The following EYA1 variants were observed in gnomAD, a reference collection of about 807,000 sequenced individuals.
The protein encoded by EYA1 is protein phosphatase EYA1.
Under a neutral mutation model 82.0 loss-of-function variants are expected in EYA1, and 16 were observed. That is an observed-to-expected ratio of 0.20 (90% CI 0.13 to 0.30). EYA1 has a LOEUF of 0.30. Ranked by LOEUF, EYA1 falls within the 10% of genes least tolerant of loss-of-function variation. The probability of loss-of-function intolerance (pLI) is 1.00; values close to 1 mark genes in which losing one functional copy is unlikely to be tolerated. For synonymous variants in EYA1, 261 were observed against 264.4 expected (o/e 0.99, Z 0.12); for missense variants, 633 against 730.7 (o/e 0.87, Z 1.54).
chr8:71,475,697 C>G (rs1397589348), intron 2 of EYA1, among the ~76,000 whole-genome samples: 1 of 152,110 alleles, frequency 6.6e-6, no homozygotes, highest in African/African-American at 2.4e-5. Context: ...CCATTAGATT[C>G]CTCTTTTCCA....
At chr8:71,356,778 GC>G (rs1326666307) in intron 1 of EYA1, 1 of 1,139,634 alleles carries the variant, frequency 8.8e-7, no homozygotes, top group African/African-American at 1.6e-5. Context: ...GCCTATGACA[GC>G]TGCAAATGGG....
Position 71,495,276 on chromosome 8 carries a change from T to G in EYA1, c.33+40468A>C, listed in dbSNP as rs1811328827. 2.6e-5 allele frequency among the ~76,000 whole-genome samples: 4 copies of G among 152,198 alleles called. No individual in the cohort carries two copies. The South Asian group carries it at 8.3e-4, about 32-fold the overall frequency. The stretch of plus-strand genomic sequence containing the variant: ...ACGATAAAAATAACAGCAAATGAAC[T>G]GTGGTAATAGTTCTAATTTGATGTG... On this transcript the variant is annotated intron_variant, in intron 2 of 18. Transcript: ENST00000643681.
chr8:71,205,633 T>C (rs1807669777), intron 17 of EYA1, among the ~76,000 whole-genome samples: 2 of 152,186 alleles, frequency 1.3e-5, no homozygotes, highest in Admixed American at 6.5e-5. Flanking sequence ...ATGCAAATTA[T>C]AGAGTTAAAT....
intron 2 of EYA1, among the ~76,000 whole-genome samples, chr8:71,445,419 T>A (rs536336915): frequency 6.6e-6 from 1 of 152,204 alleles, no homozygotes; most frequent in African/African-American, 2.4e-5. Context: ...AACTATCGGT[T>A]AAGTAAAATG....
intron 2 of EYA1, among the ~76,000 whole-genome samples, chr8:71,382,348 A>T (rs1265705543): frequency 6.6e-6 from 1 of 152,154 alleles, no homozygotes; most frequent in Admixed American, 6.5e-5. Flanking sequence ...CCAATTTGTG[A>T]CACAGAAAAT....
chr8:71,444,709 T>C (rs1418932167), intron 2 of EYA1, among the ~76,000 whole-genome samples: 3 of 152,172 alleles, frequency 2.0e-5, no homozygotes, highest in Non-Finnish European at 1.5e-5. Flanking sequence ...ACTGAGGGGT[T>C]AGAATTAGCC....
At chr8:71,220,903 A>C (rs1484226729) in intron 12 of EYA1, among the ~76,000 whole-genome samples, 1 of 152,224 alleles carries the variant, frequency 6.6e-6, no homozygotes. Context: ...GATCCCAGCA[A>C]GGAGCAGGCT....
chr8:71,260,771 G>C (rs926622132), intron 11 of EYA1, among the ~76,000 whole-genome samples: 8 of 152,190 alleles, frequency 5.3e-5, no homozygotes, highest in Non-Finnish European at 1.2e-4. Flanking sequence ...GCCCAGTGAG[G>C]TGTGTTGCTA....
chr8:71,351,384 A>C (rs1262092865), intron 3 of EYA1, among the ~76,000 whole-genome samples: 1 of 152,228 alleles, frequency 6.6e-6, no homozygotes, highest in Admixed American at 6.5e-5. Flanking sequence ...TTGCAAGTCA[A>C]GCATTCATTT....
At chr8:71,431,381 C>T (rs1805605574) in intron 2 of EYA1, among the ~76,000 whole-genome samples, 1 of 152,230 alleles carries the variant, frequency 6.6e-6, no homozygotes, top group South Asian at 2.1e-4. Flanking sequence ...CCTTTTGCCA[C>T]CGCTCCAGTC....
chr8:71,294,475 A>AAAC (rs1819382219), intron 9 of EYA1, among the ~76,000 whole-genome samples: 2 of 124,360 alleles, frequency 1.6e-5, no homozygotes, highest in Admixed American at 1.7e-4. Context: ...AACAAACAAA[A>AAAC]AAAACACACC....
chr8:71,225,075 G>A (rs1295146065), intron 12 of EYA1: 1 of 291,156 alleles, frequency 3.4e-6, no homozygotes, highest in African/African-American at 2.2e-5. Context: ...AAATTTGCAG[G>A]AACCATGTTT....
In EYA1 at chr8:71,212,800, G is replaced by A. The variant is rs931369631; in HGVS notation, c.1598-1544C>T. Among the ~76,000 whole-genome samples the A allele has an allele frequency of 3.9e-5, 6 of 152,238 alleles. No individual in the cohort carries two copies. In the South Asian group the frequency reaches 1.2e-3, roughly 32 times the overall value. ...TTTGCCTACAATAAAAATTACTGGG[G>A]CCAGGCATAGTGGTTCACACCTGTA... On this transcript the variant is annotated intron_variant, in intron 16 of 17. Transcript: ENST00000340726.
chr8:71,345,983 TACAC>T (rs1825648884), intron 3 of EYA1, among the ~76,000 whole-genome samples: 1 of 151,842 alleles, frequency 6.6e-6, no homozygotes, highest in Non-Finnish European at 1.5e-5. Flanking sequence ...ATCTTACACA[TACAC>T]ACAAACACAC....
At chr8:71,341,500 C>T (rs1825122473) in intron 3 of EYA1, among the ~76,000 whole-genome samples, 4 of 152,166 alleles carry the variant, frequency 2.6e-5, no homozygotes, top group African/African-American at 7.2e-5. Context: ...AAAAAAGCAA[C>T]ATTGCTAAAT....
At chr8:71,214,524 C>T (rs529378285) in intron 16 of EYA1, among the ~76,000 whole-genome samples, 1 of 152,168 alleles carries the variant, frequency 6.6e-6, no homozygotes, top group Non-Finnish European at 1.5e-5. Context: ...GTCATGTGCA[C>T]ATTCAAGCAC....
chr8:71,418,022 G>A (rs1207473770), intron 2 of EYA1, among the ~76,000 whole-genome samples: 5 of 152,024 alleles, frequency 3.3e-5, no homozygotes, highest in African/African-American at 4.8e-5. Context: ...GCTGCCTTAG[G>A]GCATACCCTC....
At chr8:71,232,944 C>G (rs142906351) in intron 12 of EYA1, among the ~76,000 whole-genome samples, 2 of 152,146 alleles carry the variant, frequency 1.3e-5, no homozygotes, top group Non-Finnish European at 2.9e-5. Flanking sequence ...TTTTAACTCA[C>G]GCAATTCTCA....
At chr8:71,346,437 T>TATAG (rs1206774810) in intron 3 of EYA1, among the ~76,000 whole-genome samples, 1 of 138,738 alleles carries the variant, frequency 7.2e-6, no homozygotes, top group Admixed American at 7.3e-5. Flanking sequence ...AGTGAATATA[T>TATAG]ATATATATAT....
Sources: allele counts gnomAD v4.1 joint callset (sites outside exome capture counted in the v4.1 genomes callset), GRCh38; gene constraint gnomAD v4.1.1; transcripts MANE v1.5; gene names NCBI Gene and HGNC (gene_info 2026-07-23, HGNC 2026-07-21).